Variants in CYB5R2 observed in about 807,000 individuals in gnomAD.
The protein encoded by CYB5R2 is NADH-cytochrome b5 reductase 2.
Under a neutral mutation model 29.8 loss-of-function variants are expected in CYB5R2, and 35 were observed. The ratio of observed to expected loss-of-function variants is 1.17; its 90% CI spans 0.90 to 1.56. The LOEUF (loss-of-function observed/expected upper bound fraction) is 1.56. Ranked by LOEUF, CYB5R2 falls within the 40% of genes most tolerant of loss-of-function variation. The pLI is 0.00. For missense variants in CYB5R2, 419 were observed against 346.7 expected, an observed-to-expected ratio of 1.21 and a Z score of -1.66; for synonymous variants, 169 against 130.6, an observed-to-expected ratio of 1.29 and a Z score of -2.01.
chr11:7,670,687 A>T (rs1855676124), intron 3 of CYB5R2: 1 of 152,096 alleles, frequency 6.6e-6, no homozygotes, highest in Non-Finnish European at 1.5e-5. Flanking sequence ...AGACCTATGG[A>T]TCATGACTAC....
intron 8 of CYB5R2, chr11:7,665,994 G>C: frequency 2.3e-6 from 3 of 1,297,350 alleles, no homozygotes; most frequent in Non-Finnish European, 3.2e-6. Context: ...CCTGTGGGGT[G>C]CTCTGTGCAC....
At chr11:7,665,615 C>T (rs891139300) in intron 8 of CYB5R2, 69 bp from the exon 9 acceptor site, 3 of 1,475,998 alleles carry the variant, frequency 2.0e-6, no homozygotes, top group African/African-American at 1.4e-5. Flanking sequence ...AGGCCGCCTG[C>T]ACACCCACCC....
rs905483061 is a variant in CYB5R2, at chr11:7,665,325, CTGAAACAGA to C, written c.*40_*48del. On this transcript the variant is annotated 3_prime_UTR_variant, in exon 9 of 9. Coordinates refer to ENST00000299498, the MANE Select transcript of CYB5R2 (RefSeq NM_016229.5). ...TTACCGTGGTGAAATTGAACTTACT[CTGAAACAGA>C]TGAAAAGGGACATGCAAAATTGCTG... 1 of 1,425,886 alleles carries C rather than the reference CTGAAACAGA, an allele frequency of 7.0e-7. No individual in the cohort carries two copies. Among genetic ancestry groups the C allele is most frequent in the African/African-American group, 1.4e-5 (1 of 69,644 alleles). 88.3% of individuals were successfully genotyped at this position (1,425,886 alleles called of 1,614,324 possible).
Position 7,665,381 on chromosome 11 carries a change from G to A in CYB5R2, c.824C>T (p.Thr275Ile), listed in dbSNP as rs199545307. 2.1e-5 allele frequency: 33 copies of A among 1,570,080 alleles called. No homozygotes were observed. The highest frequency in any genetic ancestry group is 2.8e-5 in the Non-Finnish European group (32 of 1,159,962). Reference protein sequence around the residue: ...KLGYTQDMIFTY With the variant: ...KLGYTQDMIFIY ...GCTGAGCACGTGGAGGTGTTAGTAG[G>A]TGAAAATCATGTCCTGGGTATAACC... The change falls in exon 9 of 9, where the codon ACC becomes ATC. Residue 275 changes from threonine to isoleucine, a missense_variant. By Grantham distance (89) the Thr-to-Ile change is moderately conservative (BLOSUM62 -1). Transcript: ENST00000299498.
At chr11:7,669,782 G>C in intron 3 of CYB5R2, 51 bp from the exon 4 acceptor site, 4 of 1,329,368 alleles carry the variant, frequency 3.0e-6, no homozygotes, top group Non-Finnish European at 4.3e-6. Context: ...GCTTAAATAA[G>C]GCCCAGGAAT....
At chr11:7,670,055 T>A (rs1855631686) in intron 3 of CYB5R2, 2 of 280,146 alleles carry the variant, frequency 7.1e-6, no homozygotes, top group South Asian at 3.9e-5. Context: ...AGTTGGAGAG[T>A]GAGTATTAAA....
At chr11:7,666,081 G>T in intron 8 of CYB5R2, 1 of 653,812 alleles carries the variant, frequency 1.5e-6, no homozygotes, top group Non-Finnish European at 2.7e-6. Flanking sequence ...GGGCGGTAAG[G>T]GGTGTGGTGG....
At chr11:7,668,725 C>T (rs1350561954) in intron 5 of CYB5R2, 164 bp from the exon 6 acceptor site, 11 of 670,014 alleles carry the variant, frequency 1.6e-5, no homozygotes, top group Non-Finnish European at 3.0e-5. Context: ...TCAGCTAGCC[C>T]TGGTGCTCCA....
At position 7,668,552 on chromosome 11, in the gene CYB5R2, C is replaced by G. The variant is rs773287020; in HGVS notation, c.398G>C (p.Gly133Ala). 4 of 1,613,700 alleles carry G rather than the reference C, an allele frequency of 2.5e-6. No individual in the cohort carries two copies. Among genetic ancestry groups the G allele is most frequent in the Non-Finnish European group, 3.4e-6 (4 of 1,179,640 alleles). The change falls in exon 6 of 9, where the codon GGA becomes GCA. Residue 133 changes from glycine (G) to alanine (A), a missense_variant. By Grantham distance (60) the Gly-to-Ala change is moderately conservative. Coordinates refer to ENST00000299498, the MANE Select transcript of CYB5R2 (RefSeq NM_016229.5). ...RLFYHGPGNL[G>A]IRPDQTSEPK... ...CTCACTCGTCTGGTCTGGTCTGATTCCAAGATTCCCTGGAAACACAGAGAA... is the reference window on the plus strand; with the variant it reads ...CTCACTCGTCTGGTCTGGTCTGATTGCAAGATTCCCTGGAAACACAGAGAA...
chr11:7,666,750 T>C lies in CYB5R2; in HGVS notation c.559-200A>G, dbSNP rs186280511. The C allele has an allele frequency of 5.6e-3, 2,644 of 474,222 alleles. 11 individuals are homozygous for C. Among genetic ancestry groups the C allele is most frequent in the Admixed American group, 7.1e-3 (205 of 28,838 alleles). 29.4% of individuals were successfully genotyped at this position (474,222 alleles called of 1,614,324 possible). ...TTGTTTTGTGGATGAAGTTCCTCCA[T>C]GTGGATGAAGAACCTCCATGGGATG... On this transcript the variant is annotated intron_variant, in intron 7 of 8. Transcript: ENST00000299498.
Position 7,669,733 on chromosome 11 carries a change from T to C in CYB5R2, c.152-2A>G. On this transcript the variant is annotated splice_acceptor_variant, in intron 3 of 8. Coordinates refer to ENST00000299498, the MANE Select transcript of CYB5R2 (RefSeq NM_016229.5). LOFTEE classifies it high-confidence loss of function. ...TTGCCAAGAGCTGGACATAGTTACC[T>C]ATAGAAAAGGCATCAAGCACTGAGT... 1 of 1,607,858 alleles carries C rather than the reference T, an allele frequency of 6.2e-7. No individual in the cohort carries two copies.
rs750751977 is a variant in CYB5R2 at position 7,672,444 on chromosome 11, G to A, written c.151+7C>T. 26 of 1,613,718 alleles carry A rather than the reference G, an allele frequency of 1.6e-5. No homozygotes were observed. Among genetic ancestry groups the A allele is most frequent in the Admixed American group, 1.3e-4 (8 of 60,000 alleles). Reference sequence around the variant, plus strand: ...CCAGTCCTGGTGATGACCCAAGCCCGGCTCACCTACAGGAAGCCCTAAGAC... The same window carrying A: ...CCAGTCCTGGTGATGACCCAAGCCCAGCTCACCTACAGGAAGCCCTAAGAC... On this transcript the variant is annotated splice_region_variant and intron_variant, in intron 3 of 8. Transcript: ENST00000299498.
chr11:7,672,760 C>A lies in CYB5R2; in HGVS notation c.66G>T (p.Leu22Phe). ...GCTGACCCATTACCTCTTTCTCAAT[C>A]AAGGGCAGCGGGTACTTGGCTTCAG... is the stretch of plus-strand genomic sequence containing the variant. ...QDPEAKYPLP[L>F]IEKEKISHNT... Residue 22 changes from leucine (L) to phenylalanine (F), a missense_variant, in exon 2 of 9, where the codon TTG becomes TTT. By Grantham distance (22) the Leu-to-Phe change is conservative. Coordinates refer to ENST00000299498, the MANE Select transcript of CYB5R2 (RefSeq NM_016229.5). 1 of 1,614,214 alleles carries A rather than the reference C, an allele frequency of 6.2e-7. No individual in the cohort carries two copies. The highest frequency in any genetic ancestry group is 8.5e-7 in the Non-Finnish European group (1 of 1,180,038).
At chr11:7,668,427 GA>G in intron 6 of CYB5R2, 50 bp downstream of exon 6, 1 of 1,387,192 alleles carries the variant, frequency 7.2e-7, no homozygotes, top group Non-Finnish European at 1.0e-6. Flanking sequence ...TCCCAAGTCA[GA>G]ATGGGTCTCG....
rs768539470 is a variant in CYB5R2 at position 7,668,535 on chromosome 11, T to C, written c.415A>G (p.Thr139Ala). ...PGNLGIRPDQ[T>A]SEPKKTLADH... is the part of the protein sequence containing the mutation. ...GCCAGTGTTTTTTTAGGCTCACTCG[T>C]CTGGTCTGGTCTGATTCCAAGATTC... The change falls in exon 6 of 9, where the codon ACG (threonine) becomes GCG (alanine). Residue 139 changes from threonine to alanine, a missense_variant. By Grantham distance (58) the Thr-to-Ala change is moderately conservative. Coordinates refer to ENST00000299498, the MANE Select transcript of CYB5R2 (RefSeq NM_016229.5). 17 of 1,613,736 alleles carry C rather than the reference T, an allele frequency of 1.1e-5. No individual in the cohort carries two copies. The East Asian group carries it at 3.6e-4, about 34-fold the overall frequency.
chr11:7,672,622 G>GCAAACA (rs1555009563), intron 2 of CYB5R2, 99 bp from the exon 3 acceptor site: 11 of 1,237,222 alleles, frequency 8.9e-6, no homozygotes, highest in Non-Finnish European at 1.3e-5. Context: ...CGCTATTCCA[G>GCAAACA]CACACACACA....
chr11:7,669,725 T>C lies in CYB5R2; in HGVS notation c.158A>G (p.Tyr53Cys). The C allele has an allele frequency of 6.2e-7, 1 of 1,612,432 alleles. No homozygotes were observed. The highest frequency in any genetic ancestry group is 8.5e-7 in the Non-Finnish European group (1 of 1,178,410). ...ATCGATTTTTGCCAAGAGCTGGACA[T>C]AGTTACCTATAGAAAAGGCATCAAG... ...DHVLGLPVGN[Y>C]VQLLAKIDNE... The change falls in exon 4 of 9, where the codon TAT (tyrosine) becomes TGT (cysteine). Residue 53 changes from tyrosine (Y) to cysteine (C), a missense_variant. Coordinates refer to ENST00000299498, the MANE Select transcript of CYB5R2 (RefSeq NM_016229.5).
chr11:7,665,981 G>A (rs776329471), intron 8 of CYB5R2: 81 of 1,412,626 alleles, frequency 5.7e-5, no homozygotes, highest in Middle Eastern at 1.7e-4. Context: ...TGTGAGAGGC[G>A]CGCCTGTGGG....
intron 3 of CYB5R2, 101 bp from the exon 4 acceptor site, chr11:7,669,832 C>A: frequency 4.7e-6 from 4 of 844,720 alleles, no homozygotes; most frequent in Non-Finnish European, 5.9e-6. Context: ...ATACTGGGGG[C>A]ACAATGTTAA....
Sources: gnomAD v4.1 joint callset for allele counts on GRCh38, gnomAD v4.1.1 for gene constraint, MANE v1.5 for transcripts, NCBI Gene and HGNC (gene_info 2026-07-23, HGNC 2026-07-21) for gene names.